ZNRF3: variants seen among roughly 807,000 people sequenced by gnomAD.
ZNRF3 encodes E3 ubiquitin-protein ligase ZNRF3.
A neutral mutation model predicts 72.5 loss-of-function variants in ZNRF3; 23 were observed. The observed-to-expected ratio is 0.32, with a 90% CI of 0.23 to 0.45. The LOEUF (loss-of-function observed/expected upper bound fraction) is 0.45. ZNRF3 is among the 20% of genes least tolerant of loss of function. The pLI is 1.00. For missense variants in ZNRF3, 1,169 were observed against 1,272.1 expected (o/e 0.92, Z 1.23); for synonymous variants, 610 against 545.3 (o/e 1.12, Z -1.65).
intron 1 of ZNRF3, among the ~76,000 whole-genome samples, chr22:28,929,744 G>A (rs1022257030): frequency 2.3e-4 from 35 of 152,192 alleles, no homozygotes; most frequent in African/African-American, 7.5e-4. Flanking sequence ...CAGAAGCCTT[G>A]TTATCTGATA....
intron 1 of ZNRF3, among the ~76,000 whole-genome samples, chr22:28,944,887 C>T (rs1009659684): frequency 1.3e-5 from 2 of 151,534 alleles, no homozygotes; most frequent in African/African-American, 4.9e-5. Context: ...GATCGTGCCA[C>T]TGCACCCCAG....
chr22:28,889,374 G>A (rs1230202016), intron 1 of ZNRF3, among the ~76,000 whole-genome samples: 1 of 152,142 alleles, frequency 6.6e-6, no homozygotes, highest in Non-Finnish European at 1.5e-5. Context: ...ATACCCACAA[G>A]GAAAAGGGGA....
chr22:28,937,205 ATATATATATATTTTTTTTTT>A (rs2034847954), intron 1 of ZNRF3, among the ~76,000 whole-genome samples: 4 of 4,040 alleles, frequency 9.9e-4, no homozygotes, highest in South Asian at 0.013. Flanking sequence ...ATATATATAT[ATATATATATATTTTTTTTTT>A]TTTTTTTTTT....
rs2033715593 is a variant in ZNRF3, at chr22:28,883,926, C to T, written c.160C>T (p.Arg54Trp). 8.3e-6 allele frequency: 10 copies of T among 1,210,396 alleles called. No homozygotes were observed. Among genetic ancestry groups the T allele is most frequent in the Non-Finnish European group, 1.0e-5 (10 of 954,470 alleles). The allele number at this position is 1,210,396 out of a possible 1,614,324, so 75.0% of individuals were successfully genotyped here. ...GGCGGCCGCGGGGCCCGGCGCGGCG[C>T]GGGCCAAGGAGACGGCGTTCGTGGA... is the stretch of plus-strand genomic sequence containing the variant. ...LLAAAGPGAA[R>W]AKETAFVEVV... is the part of the protein sequence containing the mutation. The change falls in exon 1 of 9, where the codon CGG becomes TGG. Residue 54 changes from arginine to tryptophan, a missense_variant. Physicochemically the swap from Arg to Trp is moderately radical, Grantham distance 101 (BLOSUM62 -3). This residue lies in a region of ZNRF3 where 386 missense variants were observed against 540.7 expected (regional missense o/e 0.71). Coordinates refer to ENST00000544604, the MANE Select transcript of ZNRF3 (RefSeq NM_001206998.2). The surrounding 1 kb of genome is among the most constrained non-coding windows in gnomAD (Gnocchi z 5.5).
intron 1 of ZNRF3, among the ~76,000 whole-genome samples, chr22:28,909,462 C>G (rs186706484): frequency 4.0e-5 from 6 of 151,822 alleles, no homozygotes; most frequent in Non-Finnish European, 7.4e-5. Context: ...AGAAAATAAT[C>G]AAACCAAAAC....
intron 1 of ZNRF3, among the ~76,000 whole-genome samples, chr22:28,912,984 C>T (rs1320186633): frequency 6.6e-6 from 1 of 152,212 alleles, no homozygotes; most frequent in Non-Finnish European, 1.5e-5. Context: ...GTTTTCGAAT[C>T]CTTGCCGATT....
chr22:28,945,840 A>T (rs962746551), intron 1 of ZNRF3, among the ~76,000 whole-genome samples: 3 of 151,278 alleles, frequency 2.0e-5, no homozygotes, highest in Non-Finnish European at 3.0e-5. Flanking sequence ...ATCTCTATTT[A>T]AAAAAAAAGA....
rs1342740712 is a variant in ZNRF3 at position 29,048,849 on chromosome 22, A to G, written c.1016-348A>G. 6.6e-6 allele frequency among the ~76,000 whole-genome samples: 1 copy of G among 152,226 alleles called. No homozygotes were observed. ...GGACCACGAGAGACGATGAGTGTGC[A>G]GAGGCCAGCTTGGGCTGTTGCTCCT... On this transcript the variant is annotated intron_variant, in intron 7 of 8. Transcript: ENST00000544604. The surrounding 1 kb of genome is among the most constrained non-coding windows in gnomAD (Gnocchi z 4.9).
At chr22:28,992,191 C>G (rs1015636669) in intron 2 of ZNRF3, among the ~76,000 whole-genome samples, 28 of 138,842 alleles carry the variant, frequency 2.0e-4, no homozygotes, top group African/African-American at 7.3e-4. Context: ...CGGCCCCGCA[C>G]ACCACCCCCC....
chr22:29,049,740 A>T lies in ZNRF3; in HGVS notation c.1559A>T (p.His520Leu), dbSNP rs762716574. Residue 520 changes from histidine (H) to leucine (L), a missense_variant, in exon 8 of 9, where the codon CAC becomes CTC. His to Leu is a moderately conservative substitution (Grantham distance 99, BLOSUM62 -3). Coordinates refer to ENST00000544604, the MANE Select transcript of ZNRF3 (RefSeq NM_001206998.2). The surrounding 1 kb of genome is among the most constrained non-coding windows in gnomAD (Gnocchi z 5.2). ...GTGGTGCACGTGGCCCCGCCCTCCC[A>T]CCTGGAGAGCGGCAGCACGTCCAGC... The part of the protein sequence containing the change: ...PTVVHVAPPS[H>L]LESGSTSSFS... 3.1e-6 allele frequency: 5 copies of T among 1,595,162 alleles called. No individual in the cohort carries two copies. Among genetic ancestry groups the T allele is most frequent in the Non-Finnish European group, 4.3e-6 (5 of 1,169,382 alleles).
rs373884912 is a variant in ZNRF3 at position 29,050,629 on chromosome 22, C to G, written c.2448C>G (p.Pro816=). The change falls in exon 8 of 9, where the codon CCC becomes CCG. Residue 816 remains proline (P), a synonymous_variant. Transcript: ENST00000544604. ...VQYTLTEEPP[P]GCYPGARDLS... ...ACACGCTCACCGAGGAACCACCGCC[C>G]GGCTGCTACCCCGGGGCCCGGGACC... 2 of 1,611,230 alleles carry G rather than the reference C, an allele frequency of 1.2e-6. No homozygotes were observed. Among genetic ancestry groups the G allele is most frequent in the South Asian group, 2.2e-5 (2 of 90,862 alleles).
At chr22:28,939,014 G>C (rs1182442577) in intron 1 of ZNRF3, among the ~76,000 whole-genome samples, 1 of 152,196 alleles carries the variant, frequency 6.6e-6, no homozygotes, top group African/African-American at 2.4e-5. Context: ...GCCAGGCACG[G>C]TGGCTCATGC....
At position 29,030,093 on chromosome 22, in the gene ZNRF3, C is replaced by G. The variant is rs904312237; in HGVS notation, c.427-12402C>G. The stretch of plus-strand genomic sequence containing the variant: ...TGAAACAACCCAACTGCGGTTTTTT[C>G]CATAACATCTTTCACCCCACAGTAT... On this transcript the variant is annotated intron_variant, in intron 2 of 8. Coordinates refer to ENST00000544604, the MANE Select transcript of ZNRF3 (RefSeq NM_001206998.2). The surrounding 1 kb of genome is among the most constrained non-coding windows in gnomAD (Gnocchi z 4.2). 4.6e-5 allele frequency among the ~76,000 whole-genome samples: 7 copies of G among 152,278 alleles called. No individual in the cohort carries two copies. The highest frequency in any genetic ancestry group is 4.6e-4 in the Admixed American group (7 of 15,300).
chr22:28,944,404 C>T (rs541602437), intron 1 of ZNRF3, among the ~76,000 whole-genome samples: 8 of 152,018 alleles, frequency 5.3e-5, no homozygotes, highest in Admixed American at 1.3e-4. Flanking sequence ...GGGCGGATCA[C>T]GAGGTCAGGA....
Position 29,030,775 on chromosome 22 carries a change from C to T in ZNRF3, c.427-11720C>T, listed in dbSNP as rs1323540849. Among the ~76,000 whole-genome samples the T allele has an allele frequency of 6.9e-6, 1 of 144,828 alleles. No individual in the cohort carries two copies. The highest frequency in any genetic ancestry group is 1.5e-5 in the Non-Finnish European group (1 of 67,018). On this transcript the variant is annotated intron_variant, in intron 2 of 8. Transcript: ENST00000544604. The surrounding 1 kb of genome is among the most constrained non-coding windows in gnomAD (Gnocchi z 4.2). ...AGGAGGGACCCTGCAGGGCGGTACA[C>T]GACGGGTGGGAGTGGGGAGGAGGAG...
At chr22:28,963,288 T>C (rs1389754366) in intron 1 of ZNRF3, among the ~76,000 whole-genome samples, 1 of 152,194 alleles carries the variant, frequency 6.6e-6, no homozygotes, top group Non-Finnish European at 1.5e-5. Flanking sequence ...ACTTGGGTTC[T>C]TTAAGGGCTC....
At chr22:28,891,860 C>T (rs2033894851) in intron 1 of ZNRF3, among the ~76,000 whole-genome samples, 1 of 152,124 alleles carries the variant, frequency 6.6e-6, no homozygotes, top group Admixed American at 6.5e-5. Flanking sequence ...CTCATTCTAA[C>T]TTAGTTTTTT....
Position 29,053,561 on chromosome 22 carries a change from G to C in ZNRF3, c.2768-18G>C. ...GTGCCAGCTCCCTCCCCTGATGATT[G>C]TTCTCTCTCTTTCCCAGGACCGAGA... On this transcript the variant is annotated intron_variant, in intron 8 of 8. Transcript: ENST00000544604. The C allele has an allele frequency of 6.2e-7, 1 of 1,610,390 alleles. No individual in the cohort carries two copies. Among genetic ancestry groups the C allele is most frequent in the East Asian group, 2.2e-5 (1 of 44,672 alleles).
chr22:28,927,331 G>A (rs750972698), intron 1 of ZNRF3, among the ~76,000 whole-genome samples: 24 of 152,036 alleles, frequency 1.6e-4, no homozygotes, highest in African/African-American at 4.8e-4. Context: ...CAAGGCAGGC[G>A]AATCACAAGG....
Sources: gnomAD v4.1 joint callset for allele counts (sites outside exome capture counted in the v4.1 genomes callset) on GRCh38, gnomAD v4.1.1 for gene constraint, gnomAD v4.1.1 regional missense constraint, Gnocchi (gnomAD v3.1) non-coding constraint, MANE v1.5 for transcripts, NCBI Gene and HGNC (gene_info 2026-07-23, HGNC 2026-07-21) for gene names.